Variants in ITGBL1 observed in about 807,000 individuals in gnomAD.
ITGBL1 encodes the protein integrin beta-like protein 1.
In ITGBL1, 51 loss-of-function variants were observed where a neutral mutation model predicts 68.5. The ratio of observed to expected loss-of-function variants is 0.74; its 90% CI spans 0.59 to 0.94. The LOEUF (loss-of-function observed/expected upper bound fraction) is 0.94. Ranked by LOEUF, ITGBL1 falls within the 40% of genes least tolerant of loss-of-function variation. The pLI is 0.00. For missense variants in ITGBL1, 649 were observed against 647.4 expected, an observed-to-expected ratio of 1.00 and a Z score of -0.03; for synonymous variants, 209 against 227.3, an observed-to-expected ratio of 0.92 and a Z score of 0.72.
intron 2 of ITGBL1, chr13:101,489,883 GGTGGACTAAAGGTTA>G (rs2048751025): frequency 3.4e-6 from 3 of 889,638 alleles, no homozygotes; most frequent in Non-Finnish European, 5.3e-6. Flanking sequence ...ACCAGTGAGA[GGTGGACTAAAGGTTA>G]GTGTGACGGT....
intron 7 of ITGBL1, among the ~76,000 whole-genome samples, chr13:101,622,231 T>A (rs1175347515): frequency 6.6e-6 from 1 of 152,198 alleles, no homozygotes; most frequent in Non-Finnish European, 1.5e-5. Flanking sequence ...TTCTAGGCAC[T>A]GTTCTAAATG....
At chr13:101,583,745 C>T (rs983657273) in intron 6 of ITGBL1, among the ~76,000 whole-genome samples, 3 of 152,146 alleles carry the variant, frequency 2.0e-5, no homozygotes, top group African/African-American at 7.2e-5. Flanking sequence ...TTCTCACATA[C>T]CCTGTAAAAG....
chr13:101,649,886 T>A (rs1001835492), intron 7 of ITGBL1, among the ~76,000 whole-genome samples: 1 of 152,184 alleles, frequency 6.6e-6, no homozygotes, highest in Admixed American at 6.5e-5. Context: ...AAGTGTGACC[T>A]TTTTCAAGAA....
At chr13:101,520,321 G>A (rs1304512140) in intron 2 of ITGBL1, among the ~76,000 whole-genome samples, 1 of 152,120 alleles carries the variant, frequency 6.6e-6, no homozygotes, top group African/African-American at 2.4e-5. Flanking sequence ...ATTATTTTTT[G>A]CATCTCTTTT....
chr13:101,523,662 T>C (rs2049323605), intron 2 of ITGBL1, among the ~76,000 whole-genome samples: 1 of 152,178 alleles, frequency 6.6e-6, no homozygotes, highest in Non-Finnish European at 1.5e-5. Context: ...TTGTTCACAT[T>C]TAAGATGATT....
intron 2 of ITGBL1, among the ~76,000 whole-genome samples, chr13:101,555,288 C>T (rs1408589154): frequency 1.3e-5 from 2 of 152,188 alleles, no homozygotes; most frequent in South Asian, 2.1e-4. Context: ...GCATATTTTA[C>T]GTCAATATGT....
At chr13:101,620,095 G>A (rs530681562) in intron 7 of ITGBL1, among the ~76,000 whole-genome samples, 1 of 151,986 alleles carries the variant, frequency 6.6e-6, no homozygotes, top group African/African-American at 2.4e-5. Context: ...TATTTAAATG[G>A]CCCATGAACA....
chr13:101,578,081 C>G (rs1178905049), intron 4 of ITGBL1, among the ~76,000 whole-genome samples: 1 of 152,156 alleles, frequency 6.6e-6, no homozygotes, highest in African/African-American at 2.4e-5. Flanking sequence ...GGCTCTGTCT[C>G]TCAGATGTGT....
intron 7 of ITGBL1, among the ~76,000 whole-genome samples, chr13:101,607,394 A>G (rs990535899): frequency 1.3e-5 from 2 of 152,068 alleles, no homozygotes; most frequent in African/African-American, 4.8e-5. Flanking sequence ...TATATTAAAC[A>G]TATTTCCTGT....
chr13:101,485,337 A>G (rs994764691), intron 2 of ITGBL1, among the ~76,000 whole-genome samples: 3 of 152,192 alleles, frequency 2.0e-5, no homozygotes, highest in Non-Finnish European at 4.4e-5. Flanking sequence ...TTTTATTCAC[A>G]TGTCTTTTAA....
Position 101,684,954 on chromosome 13 carries a change from C to T in ITGBL1, c.1016-7631C>T, listed in dbSNP as rs529599269. On this transcript the variant is annotated intron_variant, in intron 7 of 10. Transcript: ENST00000376180. ...TGGTTGAATAATATAAAATTGATGA[C>T]GTCTGACTATTTTTGACTTATAAAA... is the stretch of plus-strand genomic sequence containing the variant. Among the ~76,000 whole-genome samples the T allele has an allele frequency of 6.3e-4, 96 of 151,998 alleles. 1 individual carries two copies. In the South Asian group the frequency reaches 0.017, roughly 27 times the overall value.
intron 7 of ITGBL1, among the ~76,000 whole-genome samples, chr13:101,616,848 C>T (rs1376441948): frequency 6.6e-6 from 1 of 152,168 alleles, no homozygotes; most frequent in African/African-American, 2.4e-5. Flanking sequence ...GAATAATCTG[C>T]ATTGTAATGA....
intron 2 of ITGBL1, among the ~76,000 whole-genome samples, chr13:101,546,656 G>A (rs563109190): frequency 6.6e-6 from 1 of 151,702 alleles, no homozygotes; most frequent in East Asian, 1.9e-4. Context: ...AGAAAAAATT[G>A]GTAAATATAT....
intron 7 of ITGBL1, among the ~76,000 whole-genome samples, chr13:101,647,548 C>A (rs923356091): frequency 2.6e-5 from 4 of 152,118 alleles, no homozygotes; most frequent in Admixed American, 6.6e-5. Context: ...CTTGAGAAAC[C>A]CAGATCTCAT....
chr13:101,494,213 TG>T (rs1464750039), intron 2 of ITGBL1, among the ~76,000 whole-genome samples: 2 of 152,224 alleles, frequency 1.3e-5, no homozygotes, highest in African/African-American at 4.8e-5. Context: ...ATAAGTAAAT[TG>T]AAACTCAGAG....
intron 2 of ITGBL1, among the ~76,000 whole-genome samples, chr13:101,501,938 G>T (rs1335593): frequency 1.3e-5 from 2 of 152,008 alleles, no homozygotes; most frequent in Admixed American, 6.6e-5. Flanking sequence ...GGGACCAGAA[G>T]GTTGAATGTA....
intron 2 of ITGBL1, among the ~76,000 whole-genome samples, chr13:101,557,017 A>G (rs2050018036): frequency 6.6e-6 from 1 of 152,184 alleles, no homozygotes; most frequent in Non-Finnish European, 1.5e-5. Flanking sequence ...GCAGTCTGTC[A>G]TTGGAGCCTG....
intron 2 of ITGBL1, among the ~76,000 whole-genome samples, chr13:101,487,884 T>C (rs906017506): frequency 1.3e-5 from 2 of 152,200 alleles, no homozygotes; most frequent in African/African-American, 4.8e-5. Context: ...CTAACTCAAA[T>C]GATGCTCCGA....
At chr13:101,533,797 T>G (rs969495522) in intron 2 of ITGBL1, among the ~76,000 whole-genome samples, 5 of 152,358 alleles carry the variant, frequency 3.3e-5, no homozygotes, top group Middle Eastern at 3.4e-3. Flanking sequence ...ACATTAGTGT[T>G]TTCCTAATAT....
Sources: allele counts gnomAD v4.1 joint callset (sites outside exome capture counted in the v4.1 genomes callset), GRCh38; gene constraint gnomAD v4.1.1; transcripts MANE v1.5; gene names NCBI Gene and HGNC (gene_info 2026-07-23, HGNC 2026-07-21).